SH3BP5: variants seen among roughly 807,000 people sequenced by gnomAD.
SH3BP5 encodes SH3 domain-binding protein 5.
Under a neutral mutation model 43.3 loss-of-function variants are expected in SH3BP5, and 22 were observed. That is an observed-to-expected ratio of 0.51 (90% CI 0.36 to 0.73). The LOEUF (loss-of-function observed/expected upper bound fraction) is 0.73. Ranked by LOEUF, SH3BP5 falls within the 30% of genes least tolerant of loss-of-function variation. SH3BP5 has a pLI of 0.00. For missense variants in SH3BP5, 529 were observed against 586.9 expected, an observed-to-expected ratio of 0.90 and a Z score of 1.02; for synonymous variants, 255 against 225.8, an observed-to-expected ratio of 1.13 and a Z score of -1.16.
intron 3 of SH3BP5, among the ~76,000 whole-genome samples, chr3:15,277,652 A>G (rs1697009483): frequency 6.6e-6 from 1 of 152,192 alleles, no homozygotes; most frequent in Non-Finnish European, 1.5e-5. Context: ...AGCCAGGAGC[A>G]TGAATGAGAT....
At chr3:15,302,108 C>A (rs565637663) in intron 3 of SH3BP5, among the ~76,000 whole-genome samples, 1 of 152,302 alleles carries the variant, frequency 6.6e-6, no homozygotes, top group South Asian at 2.1e-4. Context: ...TCTCCTCAAA[C>A]CTAACCTGAA....
chr3:15,313,247 C>T (rs997750083), intron 2 of SH3BP5, among the ~76,000 whole-genome samples: 3 of 152,012 alleles, frequency 2.0e-5, no homozygotes, highest in Non-Finnish European at 2.9e-5. Context: ...GCAACAAGAG[C>T]GAAATGTCTC....
upstream of SH3BP5, chr3:15,333,362 T>C: frequency 1.5e-6 from 1 of 670,152 alleles, no homozygotes. Flanking sequence ...GATGAGCACA[T>C]GGCTGCTCAC....
At chr3:15,258,584 TC>T in intron 7 of SH3BP5, 1 of 536,972 alleles carries the variant, frequency 1.9e-6, no homozygotes, top group South Asian at 2.5e-5. Flanking sequence ...ATACTTTGAC[TC>T]TCAAAGAGGA....
At chr3:15,280,125 T>C (rs1340013359) in intron 3 of SH3BP5, among the ~76,000 whole-genome samples, 2 of 152,082 alleles carry the variant, frequency 1.3e-5, no homozygotes, top group East Asian at 1.9e-4. Context: ...TACAAGCAGC[T>C]TACAGGGCCT....
rs145106347 is a variant in SH3BP5, at chr3:15,315,299, C to T, written c.202-11068G>A. On this transcript the variant is annotated intron_variant, in intron 2 of 8. Coordinates refer to ENST00000383791, the MANE Select transcript of SH3BP5 (RefSeq NM_004844.5). ...AGACTCCTACAACCTTTCAGAAAAT[C>T]CTCCCTTTAATTTAAGCTATTTGAG... 5.9e-5 allele frequency among the ~76,000 whole-genome samples: 9 copies of T among 152,204 alleles called. No homozygotes were observed. The East Asian group carries it at 7.7e-4, about 13-fold the overall frequency.
At chr3:15,299,483 A>ATTTTTTTTTTT (rs60281447) in intron 3 of SH3BP5, among the ~76,000 whole-genome samples, 1 of 92,254 alleles carries the variant, frequency 1.1e-5, no homozygotes, top group Non-Finnish European at 2.1e-5. Flanking sequence ...CAACAATTAG[A>ATTTTTTTTTTT]TTTTTTTTTT....
intron 8 of SH3BP5, 148 bp from the exon 9 acceptor site, chr3:15,256,451 C>T (rs2125035708): frequency 1.3e-6 from 1 of 772,428 alleles, no homozygotes; most frequent in East Asian, 2.5e-5. Context: ...GTAGAAGTCC[C>T]ACTGTTACCT....
chr3:15,273,367 C>T, intron 3 of SH3BP5: 1 of 985,416 alleles, frequency 1.0e-6, no homozygotes, highest in Non-Finnish European at 1.2e-6. Flanking sequence ...ACACCCTCTG[C>T]CATGTATCTG....
intron 3 of SH3BP5, among the ~76,000 whole-genome samples, chr3:15,285,546 A>G (rs1156797199): frequency 6.6e-6 from 1 of 152,234 alleles, no homozygotes; most frequent in Non-Finnish European, 1.5e-5. Context: ...GTTATAAAAT[A>G]GTATATGTGA....
chr3:15,276,169 G>A (rs1696961573), intron 3 of SH3BP5: 1 of 152,010 alleles, frequency 6.6e-6, no homozygotes, highest in South Asian at 2.1e-4. Context: ...AGAGAAGCCT[G>A]GCATTGTTGA....
intron 4 of SH3BP5, among the ~76,000 whole-genome samples, chr3:15,265,431 G>A (rs1346669459): frequency 3.3e-5 from 5 of 151,330 alleles, no homozygotes; most frequent in Admixed American, 3.3e-4. Flanking sequence ...CAGGAGAAAA[G>A]CTTGAACCTG....
At chr3:15,259,881 G>T in intron 5 of SH3BP5, 78 bp from the exon 6 acceptor site, 2 of 1,340,098 alleles carry the variant, frequency 1.5e-6, no homozygotes, top group South Asian at 2.3e-5. Flanking sequence ...TGAACAAGAG[G>T]CATCAGCTAC....
At chr3:15,283,214 A>T (rs763472048) in intron 3 of SH3BP5, among the ~76,000 whole-genome samples, 21 of 152,210 alleles carry the variant, frequency 1.4e-4, no homozygotes, top group Non-Finnish European at 2.6e-4. Flanking sequence ...CCCGGCCAAC[A>T]TGGCAAAACC....
Position 15,306,997 on chromosome 3 carries a change from T to C in SH3BP5, c.202-2766A>G, listed in dbSNP as rs549100328. Among the ~76,000 whole-genome samples, 12 of 152,208 alleles carry C rather than the reference T, an allele frequency of 7.9e-5. No homozygotes were observed. The South Asian group carries it at 2.3e-3, about 29-fold the overall frequency. The stretch of plus-strand genomic sequence containing the variant: ...CGACATTTTATTTCTAAACATGCAA[T>C]TGCAGGGGTTTCATGGGGGCAAAGG... On this transcript the variant is annotated intron_variant, in intron 2 of 8. Coordinates refer to ENST00000383791, the MANE Select transcript of SH3BP5 (RefSeq NM_004844.5).
At chr3:15,259,678 A>AT in intron 6 of SH3BP5, 83 bp downstream of exon 6, 1 of 1,256,542 alleles carries the variant, frequency 8.0e-7, no homozygotes. Context: ...CAAGTGGCCC[A>AT]TGTGATACTC....
At chr3:15,315,431 C>T (rs1466830294) in intron 2 of SH3BP5, among the ~76,000 whole-genome samples, 11 of 152,208 alleles carry the variant, frequency 7.2e-5, no homozygotes, top group South Asian at 2.1e-4. Context: ...AGGCCACATC[C>T]TATTTCTTCA....
Position 15,276,456 on chromosome 3 carries a change from G to A in SH3BP5, c.331-6579C>T, listed in dbSNP as rs552467534. ...TTCAACCATGCAGTGTGTACCCCCC[G>A]GAGTAACTCATTAACACAGTCACCA... On this transcript the variant is annotated intron_variant, in intron 3 of 8. Coordinates refer to ENST00000383791, the MANE Select transcript of SH3BP5 (RefSeq NM_004844.5). Among the ~76,000 whole-genome samples the A allele has an allele frequency of 2.7e-4, 41 of 152,196 alleles. No homozygotes were observed. The Middle Eastern group carries it at 0.014, about 51-fold the overall frequency.
At chr3:15,269,927 C>A (rs778409580) in intron 3 of SH3BP5, 50 bp from the exon 4 acceptor site, 1 of 1,434,396 alleles carries the variant, frequency 7.0e-7, no homozygotes, top group South Asian at 1.4e-5. Flanking sequence ...CAGGGGCTCC[C>A]CATGGTCCAT....
Sources: allele counts gnomAD v4.1 joint callset (sites outside exome capture counted in the v4.1 genomes callset), GRCh38; gene constraint gnomAD v4.1.1; transcripts MANE v1.5; gene names NCBI Gene and HGNC (gene_info 2026-07-23, HGNC 2026-07-21).